The following DOCK4 variants were observed in gnomAD, a reference collection of about 807,000 sequenced individuals.
The protein encoded by DOCK4 is dedicator of cytokinesis protein 4.
A neutral mutation model predicts 268.1 loss-of-function variants in DOCK4; 97 were observed. That is an observed-to-expected ratio of 0.36 (90% CI 0.31 to 0.43). The LOEUF is 0.43. DOCK4 is among the 20% of genes least tolerant of loss of function. The probability of loss-of-function intolerance (pLI) is 1.00; values close to 1 mark genes in which losing one functional copy is unlikely to be tolerated. For synonymous variants in DOCK4, 954 were observed against 887.2 expected (o/e 1.08, Z -1.34); for missense variants, 2,145 against 2,455.7 (o/e 0.87, Z 2.67).
chr7:111,984,299 T>C lies in DOCK4; in HGVS notation c.549+7A>G. 1.2e-6 allele frequency: 2 copies of C among 1,608,550 alleles called. No homozygotes were observed. Among genetic ancestry groups the C allele is most frequent in the Non-Finnish European group, 1.7e-6 (2 of 1,177,396 alleles). ...GAAGACTGGAAGCCAAGATTTCCTG[T>C]ACCTACCAATCGGTAGAGCTCAGTA... is the stretch of plus-strand genomic sequence containing the variant. On this transcript the variant is annotated splice_region_variant and intron_variant, in intron 7 of 52. Transcript: ENST00000428084.
intron 8 of DOCK4, among the ~76,000 whole-genome samples, chr7:111,951,046 G>A (rs1250823537): frequency 6.6e-6 from 1 of 152,094 alleles, no homozygotes; most frequent in African/African-American, 2.4e-5. Flanking sequence ...GAAATTTAGT[G>A]TCCACCTGAA....
At chr7:111,912,276 C>T (rs1039352335) in intron 13 of DOCK4, among the ~76,000 whole-genome samples, 1 of 152,192 alleles carries the variant, frequency 6.6e-6, no homozygotes, top group Non-Finnish European at 1.5e-5. Context: ...AAAACAAATA[C>T]TGTCAACAAT....
At chr7:111,740,609 T>G (rs1350497326) in intron 47 of DOCK4, among the ~76,000 whole-genome samples, 1 of 150,354 alleles carries the variant, frequency 6.7e-6, no homozygotes, top group African/African-American at 2.4e-5. Context: ...GGTACACACC[T>G]GTAATCCCAG....
chr7:111,871,122 T>C (rs1002369729), intron 20 of DOCK4, among the ~76,000 whole-genome samples: 2 of 152,164 alleles, frequency 1.3e-5, no homozygotes, highest in African/African-American at 4.8e-5. Context: ...ATATATTACA[T>C]AGATGGGGGA....
intron 1 of DOCK4, among the ~76,000 whole-genome samples, chr7:112,081,091 G>A (rs1014524302): frequency 1.3e-5 from 2 of 152,102 alleles, no homozygotes; most frequent in African/African-American, 2.4e-5. Flanking sequence ...CAAGAAGGAT[G>A]AGCCAGCAAC....
At chr7:112,126,671 C>A (rs968244856) in intron 1 of DOCK4, among the ~76,000 whole-genome samples, 2 of 151,970 alleles carry the variant, frequency 1.3e-5, no homozygotes, top group Non-Finnish European at 2.9e-5. Flanking sequence ...TGACAAAGGG[C>A]TAATATCCAG....
intron 47 of DOCK4, among the ~76,000 whole-genome samples, 188 bp downstream of exon 47, chr7:111,740,906 G>C (rs1179959932): frequency 6.6e-6 from 1 of 151,962 alleles, no homozygotes; most frequent in Non-Finnish European, 1.5e-5. Context: ...AAAGCGATGG[G>C]GCAGTTTTAA....
chr7:111,840,854 T>G (rs766119986), intron 25 of DOCK4: 1 of 1,351,014 alleles, frequency 7.4e-7, no homozygotes, highest in East Asian at 4.6e-5. Context: ...AGACTCCCTA[T>G]TCAGAAAGCC....
At chr7:111,950,040 C>T (rs1795929355) in intron 8 of DOCK4, among the ~76,000 whole-genome samples, 1 of 152,246 alleles carries the variant, frequency 6.6e-6, no homozygotes, top group Non-Finnish European at 1.5e-5. Context: ...GATTCTCCTG[C>T]CTCAGCCTCC....
chr7:111,809,281 G>A lies in DOCK4; in HGVS notation c.3107+20C>T, dbSNP rs954602859. 2.0e-6 allele frequency: 3 copies of A among 1,523,416 alleles called. No individual in the cohort carries two copies. Among genetic ancestry groups the A allele is most frequent in the Admixed American group, 2.0e-5 (1 of 50,980 alleles). The allele number at this position is 1,523,416 out of a possible 1,614,324, so 94.4% of individuals were successfully genotyped here. A position where few individuals can be genotyped will look rare whatever the true frequency, so the allele number is the denominator to read the frequency against. ...CTTTAAGAGGCAACATTTCTCACCT[G>A]ATTATACACTGATACTTACTTTTCT... On this transcript the variant is annotated intron_variant, in intron 29 of 52. Transcript: ENST00000428084.
chr7:112,074,451 A>C (rs1414873518), intron 1 of DOCK4, among the ~76,000 whole-genome samples: 2 of 152,176 alleles, frequency 1.3e-5, no homozygotes. Context: ...TACCAACTAC[A>C]AATTCATCCT....
In DOCK4 at chr7:111,927,889, C is replaced by T. The variant is rs79379556; in HGVS notation, c.1066+7651G>A. Among the ~76,000 whole-genome samples, 451 of 152,158 alleles carry T rather than the reference C, an allele frequency of 3.0e-3. 1 individual carries two copies. Among genetic ancestry groups the T allele is most frequent in the African/African-American group, 0.01 (423 of 41,510 alleles). ...TGAGCAGGTCATAAGAAGTGCCCTCCGTATATTGGATGAAAAGTACATCCT... is the reference window on the plus strand; with the variant it reads ...TGAGCAGGTCATAAGAAGTGCCCTCTGTATATTGGATGAAAAGTACATCCT... On this transcript the variant is annotated intron_variant, in intron 12 of 52. Transcript: ENST00000428084.
At chr7:111,957,845 G>C (rs1209671528) in intron 8 of DOCK4, among the ~76,000 whole-genome samples, 4 of 152,174 alleles carry the variant, frequency 2.6e-5, no homozygotes, top group African/African-American at 9.6e-5. Flanking sequence ...AGAAGATGCA[G>C]TCTCTATTTA....
rs898787425 is a variant in DOCK4 at position 111,935,471 on chromosome 7, A to C, written c.1066+69T>G. 4 of 1,393,238 alleles carry C rather than the reference A, an allele frequency of 2.9e-6. No individual in the cohort carries two copies. The African/African-American group carries it at 5.7e-5, about 20-fold the overall frequency. The allele number at this position is 1,393,238 out of a possible 1,614,324, so 86.3% of individuals were successfully genotyped here. On this transcript the variant is annotated intron_variant, in intron 12 of 52. Coordinates refer to ENST00000428084, the MANE Select transcript of DOCK4 (RefSeq NM_001363540.2). ...ACAAAGGGCTGATAATTTCCTTCCC[A>C]AACAGACAAACAAAAAAAAGGGCTT...
chr7:111,921,773 C>T (rs2134585779), intron 12 of DOCK4, among the ~76,000 whole-genome samples: 1 of 152,290 alleles, frequency 6.6e-6, no homozygotes, highest in East Asian at 1.9e-4. Context: ...TTGCCACTGC[C>T]ACTACTATCA....
chr7:111,942,968 C>T (rs980446602), intron 10 of DOCK4, among the ~76,000 whole-genome samples: 1 of 152,162 alleles, frequency 6.6e-6, no homozygotes, highest in Admixed American at 6.6e-5. Context: ...CACTGAGGAA[C>T]AAGCATTTTG....
At chr7:112,046,049 ACCCTAT>A (rs1804792918) in intron 1 of DOCK4, among the ~76,000 whole-genome samples, 1 of 152,178 alleles carries the variant, frequency 6.6e-6, no homozygotes. Context: ...ATTGTTCAAT[ACCCTAT>A]CCCTTAAATA....
At chr7:111,948,752 G>A (rs952811893) in intron 8 of DOCK4, among the ~76,000 whole-genome samples, 17 of 151,670 alleles carry the variant, frequency 1.1e-4, no homozygotes, top group South Asian at 6.2e-4. Flanking sequence ...GCACCACCAC[G>A]CCTGGCTAAT....
intron 4 of DOCK4, among the ~76,000 whole-genome samples, chr7:111,997,399 T>C (rs1180580850): frequency 6.6e-6 from 1 of 152,242 alleles, no homozygotes; most frequent in Non-Finnish European, 1.5e-5. Flanking sequence ...GCAGCTCACA[T>C]ATATAAGACA....
Sources: gnomAD v4.1 joint callset for allele counts (sites outside exome capture counted in the v4.1 genomes callset) on GRCh38, gnomAD v4.1.1 for gene constraint, MANE v1.5 for transcripts, NCBI Gene and HGNC (gene_info 2026-07-23, HGNC 2026-07-21) for gene names.